The following MALRD1 variants were observed in gnomAD, a reference collection of about 807,000 sequenced individuals.
The protein encoded by MALRD1 is MAM and LDL receptor class A domain containing 1.
MALRD1 carries 247 observed loss-of-function variants against 242.1 expected under a neutral mutation model. That is an observed-to-expected ratio of 1.02 (90% CI 0.92 to 1.13). MALRD1 has a LOEUF of 1.13. MALRD1 is among the 50% of genes most tolerant of loss of function. MALRD1 has a pLI of 0.00. For missense variants in MALRD1, 2,989 were observed against 2,533.1 expected, an observed-to-expected ratio of 1.18 and a Z score of -3.86; for synonymous variants, 995 against 866.6, an observed-to-expected ratio of 1.15 and a Z score of -2.60.
At chr10:19,641,311 A>G (rs1564508939) in intron 36 of MALRD1, among the ~76,000 whole-genome samples, 1 of 152,198 alleles carries the variant, frequency 6.6e-6, no homozygotes, top group Admixed American at 6.5e-5. Context: ...GTGTAAAGCA[A>G]TAGTTATATG....
At chr10:19,556,467 C>T (rs1447667492) in intron 32 of MALRD1, among the ~76,000 whole-genome samples, 1 of 151,992 alleles carries the variant, frequency 6.6e-6, no homozygotes, top group East Asian at 1.9e-4. Context: ...TTTTTACTGT[C>T]TCCATAGTTT....
rs146334915 is a variant in MALRD1, at chr10:19,499,590, C to T, written c.5320+944C>T. ...TTGGACTTGGCAGCCTTCATAATGT[C>T]ATGAGCCAATTCCTTATAATAAATC... On this transcript the variant is annotated intron_variant, in intron 31 of 39. Coordinates refer to ENST00000454679, the MANE Select transcript of MALRD1 (RefSeq NM_001142308.3). Among the ~76,000 whole-genome samples, 462 of 152,288 alleles carry T rather than the reference C, an allele frequency of 3.0e-3. 2 individuals carry two copies. The highest frequency in any genetic ancestry group is 0.011 in the African/African-American group (444 of 41,570).
intron 18 of MALRD1, among the ~76,000 whole-genome samples, chr10:19,254,660 A>G (rs887709890): frequency 6.6e-6 from 1 of 151,986 alleles, no homozygotes; most frequent in East Asian, 1.9e-4. Context: ...GATATAATGT[A>G]TCTTCATATA....
intron 38 of MALRD1, among the ~76,000 whole-genome samples, chr10:19,726,490 CATT>C (rs1176618380): frequency 2.6e-5 from 4 of 152,068 alleles, no homozygotes; most frequent in African/African-American, 7.2e-5. Context: ...AACCCTCACA[CATT>C]GTTGGTGGGA....
Position 19,196,536 on chromosome 10 carries a change from G to GT in MALRD1, c.1952-7176dup, listed in dbSNP as rs34242301. 1.2e-3 allele frequency among the ~76,000 whole-genome samples: 163 copies of GT among 139,420 alleles called. 1 individual carries two copies. The highest frequency in any genetic ancestry group is 8.1e-3 in the South Asian group (35 of 4,328). 91.5% of individuals were successfully genotyped at this position (139,420 alleles called of 152,430 possible). ...CTCATGGCATGGGGCACCACTCTTT[G>GT]TTTTTTTTTTTTTTTTCTCCTATTT... On this transcript the variant is annotated intron_variant, in intron 14 of 39. Transcript: ENST00000454679.
chr10:19,289,165 T>A (rs1588858546), intron 21 of MALRD1, among the ~76,000 whole-genome samples: 1 of 152,302 alleles, frequency 6.6e-6, no homozygotes, highest in South Asian at 2.1e-4. Context: ...ATAAACTACA[T>A]CTTATGAATA....
chr10:19,588,063 C>G (rs1589274246), intron 33 of MALRD1, among the ~76,000 whole-genome samples: 1 of 151,932 alleles, frequency 6.6e-6, no homozygotes, highest in African/African-American at 2.4e-5. Flanking sequence ...ACTTCTGAAG[C>G]AATTGGTAAA....
At chr10:19,561,337 C>G (rs772695900) in intron 32 of MALRD1, among the ~76,000 whole-genome samples, 9 of 152,146 alleles carry the variant, frequency 5.9e-5, no homozygotes, top group Non-Finnish European at 1.0e-4. Context: ...GTAAATTAGA[C>G]CCAGTTGATT....
intron 4 of MALRD1, among the ~76,000 whole-genome samples, chr10:19,102,033 T>A (rs978291212): frequency 5.2e-5 from 7 of 135,548 alleles, no homozygotes; most frequent in African/African-American, 1.6e-4. Flanking sequence ...AATTATAAAC[T>A]ATATTTAATT....
At chr10:19,637,463 G>A (rs1322373503) in intron 36 of MALRD1, among the ~76,000 whole-genome samples, 3 of 152,202 alleles carry the variant, frequency 2.0e-5, no homozygotes, top group Non-Finnish European at 4.4e-5. Flanking sequence ...AAGTGACTTA[G>A]TCATAGAGAG....
chr10:19,102,003 T>A (rs11008484), intron 4 of MALRD1, among the ~76,000 whole-genome samples: 4,663 of 140,874 alleles, frequency 0.033, 226 homozygotes, highest in African/African-American at 0.11. Context: ...TTATAACATA[T>A]ATCTATATTA....
intron 28 of MALRD1, among the ~76,000 whole-genome samples, chr10:19,393,975 A>G (rs1846461078): frequency 6.6e-6 from 1 of 152,052 alleles, no homozygotes; most frequent in Non-Finnish European, 1.5e-5. Context: ...TTCTTTTGGA[A>G]CTCTTCCATC....
At chr10:19,383,919 G>A (rs1311135934) in intron 26 of MALRD1, among the ~76,000 whole-genome samples, 1 of 151,942 alleles carries the variant, frequency 6.6e-6, no homozygotes, top group Non-Finnish European at 1.5e-5. Context: ...TATGATATGG[G>A]AAGTGTGAGG....
chr10:19,506,692 T>C (rs7922987), intron 31 of MALRD1, among the ~76,000 whole-genome samples: 38,070 of 151,938 alleles, frequency 0.25, 7,256 homozygotes, highest in African/African-American at 0.54. Context: ...TGATAATAAG[T>C]GTGGTTAAAT....
At chr10:19,302,798 A>T (rs942045416) in intron 21 of MALRD1, among the ~76,000 whole-genome samples, 4 of 151,776 alleles carry the variant, frequency 2.6e-5, no homozygotes, top group Non-Finnish European at 4.4e-5. Context: ...GAAAAATAAA[A>T]AGGAGGTAAA....
intron 21 of MALRD1, among the ~76,000 whole-genome samples, chr10:19,308,775 C>T (rs1889516): frequency 0.41 from 61,986 of 151,108 alleles, 12,779 homozygotes; most frequent in South Asian, 0.49. Flanking sequence ...CTCAGGCCCT[C>T]CGAGCTTTAG....
chr10:19,596,802 GGGAGGAAA>G (rs201071195), intron 34 of MALRD1, among the ~76,000 whole-genome samples: 5,139 of 150,142 alleles, frequency 0.034, 124 homozygotes, highest in African/African-American at 0.077. Flanking sequence ...AAGAGGGGAA[GGGAGGAAA>G]GGAGGAAAGG....
intron 31 of MALRD1, among the ~76,000 whole-genome samples, chr10:19,517,581 T>C (rs958187523): frequency 7.9e-5 from 12 of 152,176 alleles, no homozygotes; most frequent in Admixed American, 2.0e-4. Context: ...ATAGTTCTTA[T>C]ATATGAAATC....
At chr10:19,198,600 A>C (rs560638367) in intron 14 of MALRD1, among the ~76,000 whole-genome samples, 1 of 152,312 alleles carries the variant, frequency 6.6e-6, no homozygotes, top group African/African-American at 2.4e-5. Context: ...AGGGGCAGTT[A>C]ACGGCCCTGC....
Sources: gnomAD v4.1 joint callset for allele counts (sites outside exome capture counted in the v4.1 genomes callset) on GRCh38, gnomAD v4.1.1 for gene constraint, MANE v1.5 for transcripts, NCBI Gene and HGNC (gene_info 2026-07-23, HGNC 2026-07-21) for gene names.